Variants in GRM7 observed in about 807,000 individuals in gnomAD.
GRM7 encodes the protein metabotropic glutamate receptor 7.
A neutral mutation model predicts 84.5 loss-of-function variants in GRM7; 35 were observed. The observed-to-expected ratio is 0.41, with a 90% CI of 0.32 to 0.55. The LOEUF is 0.55. Among genes scored for constraint, GRM7 ranks in the 20% least tolerant of loss-of-function variants. The pLI is 0.19. For missense variants in GRM7, 1,003 were observed against 1,194.6 expected (o/e 0.84, Z 2.36); for synonymous variants, 487 against 455.1 (o/e 1.07, Z -0.89).
intron 1 of GRM7, among the ~76,000 whole-genome samples, chr3:7,020,589 A>G (rs1006538398): frequency 3.3e-5 from 5 of 152,198 alleles, no homozygotes; most frequent in African/African-American, 1.2e-4. Context: ...CAAGGTACCC[A>G]CACAATTAGT....
At chr3:7,073,756 C>T (rs547898667) in intron 1 of GRM7, among the ~76,000 whole-genome samples, 2 of 152,182 alleles carry the variant, frequency 1.3e-5, no homozygotes, top group African/African-American at 4.8e-5. Context: ...TTCTGATTAA[C>T]GTGAAGAGGT....
chr3:7,592,868 A>T (rs992473650), intron 8 of GRM7, among the ~76,000 whole-genome samples: 5 of 152,134 alleles, frequency 3.3e-5, no homozygotes, highest in African/African-American at 1.2e-4. Flanking sequence ...GCTGGAGAGA[A>T]GCTAGTTTGT....
intron 1 of GRM7, among the ~76,000 whole-genome samples, chr3:7,006,369 A>G (rs889113913): frequency 1.3e-5 from 2 of 152,218 alleles, no homozygotes; most frequent in Non-Finnish European, 2.9e-5. Context: ...GAAGGGAACT[A>G]TCATCTAAGA....
intron 1 of GRM7, among the ~76,000 whole-genome samples, chr3:7,075,884 G>T (rs1396948888): frequency 6.6e-6 from 1 of 151,878 alleles, no homozygotes; most frequent in Admixed American, 6.6e-5. Flanking sequence ...GAATATTCTG[G>T]TTCAAATGCC....
chr3:7,716,101 A>G (rs1155966), intron 9 of GRM7, among the ~76,000 whole-genome samples: 7,067 of 152,266 alleles, frequency 0.046, 231 homozygotes, highest in South Asian at 0.12. Flanking sequence ...AGAAAACCCA[A>G]CATCTAATTC....
chr3:7,739,357 C>T (rs1232608339), intron 9 of GRM7, among the ~76,000 whole-genome samples: 1 of 152,168 alleles, frequency 6.6e-6, no homozygotes, highest in Non-Finnish European at 1.5e-5. Flanking sequence ...TCTTGAAGAG[C>T]TCTTGACATT....
intron 1 of GRM7, among the ~76,000 whole-genome samples, chr3:6,966,993 T>C (rs926770372): frequency 6.6e-6 from 1 of 152,146 alleles, no homozygotes; most frequent in African/African-American, 2.4e-5. Flanking sequence ...GTTGATTAAA[T>C]AATATCAGGT....
chr3:7,425,456 C>G (rs922053856), intron 5 of GRM7, among the ~76,000 whole-genome samples: 1 of 152,118 alleles, frequency 6.6e-6, no homozygotes, highest in Non-Finnish European at 1.5e-5. Flanking sequence ...TTGCTTGGGA[C>G]CTTCTGTCCA....
chr3:7,244,004 G>T (rs1697661952), intron 2 of GRM7, among the ~76,000 whole-genome samples: 1 of 152,102 alleles, frequency 6.6e-6, no homozygotes, highest in South Asian at 2.1e-4. Flanking sequence ...TGGAGTTTCA[G>T]GATTGGAAGT....
intron 4 of GRM7, among the ~76,000 whole-genome samples, chr3:7,387,247 A>G (rs113712546): frequency 6.7e-4 from 102 of 152,138 alleles, no homozygotes; most frequent in African/African-American, 2.4e-3. Context: ...TTGCCTGTTT[A>G]CTCTGTTGAT....
intron 5 of GRM7, among the ~76,000 whole-genome samples, chr3:7,433,598 G>A (rs1388576266): frequency 6.6e-6 from 1 of 152,166 alleles, no homozygotes; most frequent in African/African-American, 2.4e-5. Flanking sequence ...TGTGAATGAT[G>A]TCATGAAAGT....
At chr3:7,368,538 G>C (rs138825484) in intron 4 of GRM7, among the ~76,000 whole-genome samples, 1 of 152,114 alleles carries the variant, frequency 6.6e-6, no homozygotes. Flanking sequence ...GATTGCTTTA[G>C]CATTCACTGT....
At chr3:7,600,604 C>G (rs947338640) in intron 8 of GRM7, among the ~76,000 whole-genome samples, 1 of 152,120 alleles carries the variant, frequency 6.6e-6, no homozygotes, top group Non-Finnish European at 1.5e-5. Context: ...TGTTCTTCTC[C>G]TCCTCTCTGG....
intron 1 of GRM7, among the ~76,000 whole-genome samples, chr3:7,111,060 A>G (rs1168514338): frequency 6.6e-6 from 1 of 152,078 alleles, no homozygotes; most frequent in African/African-American, 2.4e-5. Flanking sequence ...ACAGAGACAC[A>G]GAATGGAGAA....
intron 4 of GRM7, among the ~76,000 whole-genome samples, chr3:7,348,853 CT>C (rs1693007667): frequency 6.6e-6 from 1 of 152,110 alleles, no homozygotes; most frequent in Admixed American, 6.6e-5. Flanking sequence ...CTGTGGCCTC[CT>C]AGTTCCCTAT....
chr3:7,479,490 A>G (rs1297472256), intron 7 of GRM7, among the ~76,000 whole-genome samples: 3 of 152,158 alleles, frequency 2.0e-5, no homozygotes, highest in African/African-American at 7.2e-5. Context: ...CACCTGCTAC[A>G]GATACTTCCC....
intron 7 of GRM7, among the ~76,000 whole-genome samples, chr3:7,464,614 A>C (rs1698385339): frequency 6.6e-6 from 1 of 151,730 alleles, no homozygotes; most frequent in Admixed American, 6.6e-5. Context: ...GCAGATCACG[A>C]GGTCAGGAGA....
chr3:6,989,674 GT>G (rs1694558270), intron 1 of GRM7, among the ~76,000 whole-genome samples: 1 of 152,192 alleles, frequency 6.6e-6, no homozygotes, highest in Admixed American at 6.5e-5. Context: ...CTAAATGGGA[GT>G]AATGGAAAAA....
At chr3:7,390,925 T>C (rs1694965658) in intron 4 of GRM7, among the ~76,000 whole-genome samples, 1 of 150,230 alleles carries the variant, frequency 6.7e-6, no homozygotes, top group Admixed American at 6.6e-5. Flanking sequence ...ACTCTGGCTA[T>C]TTTTTTAATT....
Sources: gnomAD v4.1 joint callset for allele counts (sites outside exome capture counted in the v4.1 genomes callset) on GRCh38, gnomAD v4.1.1 for gene constraint, MANE v1.5 for transcripts, NCBI Gene and HGNC (gene_info 2026-07-23, HGNC 2026-07-21) for gene names.